KITLG: variants seen among roughly 807,000 people sequenced by gnomAD.
KITLG encodes the protein c-Kit ligand.
KITLG carries 13 observed loss-of-function variants against 34.1 expected under a neutral mutation model. The observed-to-expected ratio is 0.38, with a 90% CI of 0.25 to 0.61. KITLG has a LOEUF of 0.61. Ranked by LOEUF, KITLG falls within the 20% of genes least tolerant of loss-of-function variation. The pLI is 0.60. For synonymous variants in KITLG, 110 were observed against 104.0 expected (o/e 1.06, Z -0.35); for missense variants, 292 against 318.9 (o/e 0.92, Z 0.64).
chr12:88,532,574 G>A, intron 2 of KITLG, 71 bp from the exon 3 acceptor site: 2 of 1,023,656 alleles, frequency 2.0e-6, no homozygotes, highest in South Asian at 2.7e-5. Context: ...GTAGTGCTTT[G>A]GAGAAAAGCA....
chr12:88,565,350 G>A (rs954082363), intron 1 of KITLG, among the ~76,000 whole-genome samples: 4 of 152,120 alleles, frequency 2.6e-5, no homozygotes, highest in African/African-American at 7.2e-5. Flanking sequence ...ATCTCGGCTG[G>A]GCACGGTGGC....
At chr12:88,505,479 T>A (rs1254453783) in intron 8 of KITLG, among the ~76,000 whole-genome samples, 7 of 152,178 alleles carry the variant, frequency 4.6e-5, no homozygotes, top group African/African-American at 1.4e-4. Context: ...ATACCAAGCA[T>A]GCCTATATGC....
chr12:88,514,595 T>C, intron 6 of KITLG, among the ~76,000 whole-genome samples: 1 of 151,756 alleles, frequency 6.6e-6, no homozygotes, highest in Non-Finnish European at 1.5e-5. Context: ...ATTTCATTAG[T>C]AAAATATATA....
At chr12:88,501,176 C>T (rs565778535) in intron 9 of KITLG, among the ~76,000 whole-genome samples, 2 of 152,266 alleles carry the variant, frequency 1.3e-5, no homozygotes, top group African/African-American at 4.8e-5. Context: ...AACCCTCCTT[C>T]TTTTCATTTT....
rs543473819 is a variant in KITLG at position 88,495,811 on chromosome 12, T to C, written c.*1408A>G. 1.1e-4 allele frequency: 16 copies of C among 152,258 alleles called. No homozygotes were observed. Among genetic ancestry groups the C allele is most frequent in the African/African-American group, 3.8e-4 (16 of 41,576 alleles). The allele number at this position is 152,258 out of a possible 1,614,324, so 9.4% of individuals were successfully genotyped here. On this transcript the variant is annotated 3_prime_UTR_variant, in exon 10 of 10. Coordinates refer to ENST00000644744, the MANE Select transcript of KITLG (RefSeq NM_000899.5). ...GGAAAGCTTTGGATTCCTTTATGTG[T>C]ACATTCAAGACATGTTAAAAGAACT...
intron 1 of KITLG, among the ~76,000 whole-genome samples, chr12:88,572,478 T>C (rs1459913078): frequency 6.6e-6 from 1 of 150,680 alleles, no homozygotes; most frequent in Non-Finnish European, 1.5e-5. Context: ...TATTAAAGCA[T>C]AGAGTACTGT....
At chr12:88,546,103 T>C in intron 1 of KITLG, 1 of 590,672 alleles carries the variant, frequency 1.7e-6, no homozygotes, top group Non-Finnish European at 3.1e-6. Context: ...GTTAAAAACT[T>C]TCTTCAGCCA....
chr12:88,560,607 T>C (rs1481282443), intron 1 of KITLG, among the ~76,000 whole-genome samples: 2 of 152,148 alleles, frequency 1.3e-5, no homozygotes, highest in Non-Finnish European at 2.9e-5. Context: ...AACAGGTGAA[T>C]GTTAACCTAA....
chr12:88,523,864 A>AC (rs1377100172), intron 3 of KITLG, among the ~76,000 whole-genome samples: 2 of 152,166 alleles, frequency 1.3e-5, no homozygotes, highest in Non-Finnish European at 2.9e-5. Flanking sequence ...ATCTAACTTT[A>AC]CATTTCTTGT....
intron 1 of KITLG, among the ~76,000 whole-genome samples, chr12:88,551,943 G>A (rs571145127): frequency 1.1e-4 from 17 of 152,204 alleles, no homozygotes; most frequent in Middle Eastern, 3.4e-3. Flanking sequence ...AGAGAGGTGC[G>A]ATGATGGAAG....
chr12:88,535,562 T>C (rs1219865232), intron 2 of KITLG, among the ~76,000 whole-genome samples: 6 of 152,180 alleles, frequency 3.9e-5, no homozygotes, highest in Non-Finnish European at 8.8e-5. Context: ...CATCTACCTA[T>C]AGCGCAGTAT....
Position 88,533,052 on chromosome 12 carries a change from C to T in KITLG, c.130-549G>A, listed in dbSNP as rs74896911. Among the ~76,000 whole-genome samples the T allele has an allele frequency of 8.8e-3, 1,335 of 152,024 alleles. 26 individuals are homozygous for T. The highest frequency in any genetic ancestry group is 0.031 in the African/African-American group (1,267 of 41,350). On this transcript the variant is annotated intron_variant, in intron 2 of 9. Transcript: ENST00000644744. ...TTTTATGTTGAACCTAAAAAATGAT[C>T]AGTGAAACTTCAAAAAAACAATGCT...
At chr12:88,530,151 C>T (rs1460047091) in intron 3 of KITLG, among the ~76,000 whole-genome samples, 2 of 152,144 alleles carry the variant, frequency 1.3e-5, no homozygotes, top group Non-Finnish European at 2.9e-5. Flanking sequence ...CAATCACAAT[C>T]CTAAATGCTG....
At position 88,505,253 on chromosome 12, in the gene KITLG, A is replaced by G; in HGVS notation, c.783-18T>C. 1 of 1,596,078 alleles carries G rather than the reference A, an allele frequency of 6.3e-7. No homozygotes were observed. Among genetic ancestry groups the G allele is most frequent in the South Asian group, 1.1e-5 (1 of 90,664 alleles). ...GCAACATACTGAAAAACAATAAGAA[A>G]AAATGCTTATTTGCTCTTGGTCAGA... is the stretch of plus-strand genomic sequence containing the variant. On this transcript the variant is annotated intron_variant, in intron 8 of 9. Coordinates refer to ENST00000644744, the MANE Select transcript of KITLG (RefSeq NM_000899.5).
chr12:88,515,951 A>G (rs1346953959), intron 5 of KITLG, among the ~76,000 whole-genome samples: 1 of 151,862 alleles, frequency 6.6e-6, no homozygotes, highest in African/African-American at 2.4e-5. Flanking sequence ...CTTAATACAG[A>G]GTAACTGGGG....
At chr12:88,579,741 C>G (rs1382381940) in intron 1 of KITLG, among the ~76,000 whole-genome samples, 1 of 151,946 alleles carries the variant, frequency 6.6e-6, no homozygotes, top group Non-Finnish European at 1.5e-5. Flanking sequence ...CGAGAGCTGC[C>G]GCTTAGGAGT....
rs1040258082 is a variant in KITLG, at chr12:88,507,062, A to G, written c.680T>C (p.Ile227Thr). ...TAAGGCTCCAAAAGCAAAGCCAATT[A>G]TAAGAGAAAACAATGCTGGCAATGC... ...AMALPALFSL[I>T]IGFAFGALYW... Residue 227 changes from isoleucine to threonine, a missense_variant, in exon 7 of 10, where the codon ATA (isoleucine) becomes ACA (threonine). Physicochemically the swap from Ile to Thr is moderately conservative, Grantham distance 89. This residue lies in a region of KITLG where 140 missense variants were observed against 111.0 expected (regional missense o/e 1.26). Coordinates refer to ENST00000644744, the MANE Select transcript of KITLG (RefSeq NM_000899.5). The G allele has an allele frequency of 1.9e-6, 3 of 1,613,102 alleles. No homozygotes were observed. Among genetic ancestry groups the G allele is most frequent in the African/African-American group, 1.3e-5 (1 of 75,064 alleles).
intron 3 of KITLG, among the ~76,000 whole-genome samples, chr12:88,523,705 T>C (rs1021288027): frequency 1.3e-5 from 2 of 152,226 alleles, no homozygotes; most frequent in Non-Finnish European, 2.9e-5. Flanking sequence ...AAGTTTCCTA[T>C]AAAAGCACTT....
intron 3 of KITLG, among the ~76,000 whole-genome samples, chr12:88,524,395 C>T (rs963839905): frequency 1.3e-5 from 2 of 152,066 alleles, no homozygotes; most frequent in East Asian, 3.8e-4. Flanking sequence ...TATGGAATAA[C>T]TATTTCTAAT....
Sources: gnomAD v4.1 joint callset for allele counts (sites outside exome capture counted in the v4.1 genomes callset) on GRCh38, gnomAD v4.1.1 for gene constraint, gnomAD v4.1.1 regional missense constraint, MANE v1.5 for transcripts, NCBI Gene and HGNC (gene_info 2026-07-23, HGNC 2026-07-21) for gene names.